Variants in LCE4A observed in about 807,000 individuals in gnomAD.
The protein encoded by LCE4A is late cornified envelope 4A.
For synonymous variants in LCE4A, 41 were observed against 42.3 expected, an observed-to-expected ratio of 0.97 and a Z score of 0.12; for missense variants, 110 against 111.3, an observed-to-expected ratio of 0.99 and a Z score of 0.05.
At chr1:152,708,819 G>T (rs952022513) in intron 1 of LCE4A, among the ~76,000 whole-genome samples, 1 of 152,096 alleles carries the variant, frequency 6.6e-6, no homozygotes, top group African/African-American at 2.4e-5. Context: ...TTCAAATTTT[G>T]CTGGCTTTAT....
At position 152,709,060 on chromosome 1, in the gene LCE4A, T is replaced by A; in HGVS notation, c.-16T>A. On this transcript the variant is annotated 5_prime_UTR_variant, in exon 2 of 2. It introduces an in-frame stop codon into an upstream open reading frame of the 5' UTR. Transcript: ENST00000368777. ...GTTTCTATTTTGTCATTCAGGTTTA[T>A]CGAAATCCCACCAAGATGTCCTGCC... is the stretch of plus-strand genomic sequence containing the variant. 6.2e-7 allele frequency: 1 copy of A among 1,605,414 alleles called. No homozygotes were observed. The highest frequency in any genetic ancestry group is 8.5e-7 in the Non-Finnish European group (1 of 1,174,208).
intron 1 of LCE4A, 140 bp from the exon 2 acceptor site, chr1:152,708,915 C>G: frequency 1.6e-6 from 1 of 607,534 alleles, no homozygotes. Context: ...AAGATATACT[C>G]TTTGTCTGAA....
chr1:152,709,288 C>T lies in LCE4A; in HGVS notation c.213C>T (p.His71=), dbSNP rs1372412728. Reference sequence around the variant, plus strand: ...ACAGACACCATAGGTCCCACTGCCACAGACCCAAGAGCTCCAATTGCTATG... The same window carrying T: ...ACAGACACCATAGGTCCCACTGCCATAGACCCAAGAGCTCCAATTGCTATG... ...SHHRHHRSHC[H]RPKSSNCYGS... The change falls in exon 2 of 2, where the codon CAC becomes CAT. Residue 71 remains histidine, a synonymous_variant. Transcript: ENST00000368777. The T allele has an allele frequency of 6.2e-7, 1 of 1,614,066 alleles. No homozygotes were observed. Among genetic ancestry groups the T allele is most frequent in the African/African-American group, 1.3e-5 (1 of 74,932 alleles).
Position 152,709,116 on chromosome 1 carries a change from C to T in LCE4A, c.41C>T (p.Pro14Leu), listed in dbSNP as rs750809485. ...AACCAACAGCAGTGCCAGCCCCCTC[C>T]CAAGTGTCCTATCCCCAAGTATCCC... ...QQNQQQCQPPPKCPIPKYPPK... is the reference protein window; with the variant it reads ...QQNQQQCQPPLKCPIPKYPPK... Residue 14 changes from proline to leucine, a missense_variant, in exon 2 of 2, where the codon CCC (proline) becomes CTC (leucine). Coordinates refer to ENST00000368777, the MANE Select transcript of LCE4A (RefSeq NM_001387222.1). The T allele has an allele frequency of 1.2e-6, 2 of 1,613,522 alleles. No homozygotes were observed. The highest frequency in any genetic ancestry group is 2.2e-5 in the East Asian group (1 of 44,868).
At chr1:152,709,021 A>C in intron 1 of LCE4A, 34 bp from the exon 2 acceptor site, 7 of 1,348,686 alleles carry the variant, frequency 5.2e-6, no homozygotes, top group Non-Finnish European at 7.2e-6. Context: ...TCTTGATATT[A>C]AGTTTCTGTA....
At chr1:152,708,793 T>G (rs1242492291) in intron 1 of LCE4A, among the ~76,000 whole-genome samples, 1 of 152,224 alleles carries the variant, frequency 6.6e-6, no homozygotes, top group East Asian at 1.9e-4. Flanking sequence ...GTATTTAACA[T>G]GTCTTTGAGA....
In LCE4A at chr1:152,709,177, A is replaced by G. The variant is rs1649743492; in HGVS notation, c.102A>G (p.Pro34=). 1 of 1,149,844 alleles carries G rather than the reference A, an allele frequency of 8.7e-7. No homozygotes were observed. Among genetic ancestry groups the G allele is most frequent in the South Asian group, 1.3e-5 (1 of 76,420 alleles). The allele number at this position is 1,149,844 out of a possible 1,614,324, so 71.2% of individuals were successfully genotyped here. A position where few individuals can be genotyped will look rare whatever the true frequency, so the allele number is the denominator to read the frequency against. Residue 34 remains proline (P), a synonymous_variant, in exon 2 of 2, where the codon CCA becomes CCG. Transcript: ENST00000368777. ...KCPSKCASSC[P]PPISSCCGSS... ...CCTCAAAGTGTGCATCCTCATGCCC[A>G]CCTCCAATCTCTTCCTGCTGTGGCT...
intron 1 of LCE4A, 136 bp from the exon 2 acceptor site, chr1:152,708,919 G>C (rs1194969155): frequency 8.2e-6 from 5 of 611,152 alleles, no homozygotes; most frequent in Non-Finnish European, 1.5e-5. Context: ...TATACTCTTT[G>C]TCTGAAAGAG....
rs753416626 is a variant in LCE4A at position 152,709,157 on chromosome 1, A to G, written c.82A>G (p.Lys28Glu). Residue 28 changes from lysine to glutamate, a missense_variant, in exon 2 of 2, where the codon AAG becomes GAG. Coordinates refer to ENST00000368777, the MANE Select transcript of LCE4A (RefSeq NM_001387222.1). ...CAAGTATCCCCCAAAATGTCCCTCA[A>G]AGTGTGCATCCTCATGCCCACCTCC... The part of the protein sequence containing the change: ...IPKYPPKCPS[K>E]CASSCPPPIS... The G allele has an allele frequency of 2.5e-6, 4 of 1,613,554 alleles. No individual in the cohort carries two copies. The highest frequency in any genetic ancestry group is 1.7e-6 in the Non-Finnish European group (2 of 1,179,926).
intron 1 of LCE4A, 78 bp from the exon 2 acceptor site, chr1:152,708,977 G>A (rs1349254453): frequency 2.3e-6 from 2 of 881,748 alleles, no homozygotes. Context: ...ATCACCTTGG[G>A]GGAGGATTTT....
chr1:152,709,139 C>T lies in LCE4A; in HGVS notation c.64C>T (p.Pro22Ser), dbSNP rs1274253135. 1 of 1,613,832 alleles carries T rather than the reference C, an allele frequency of 6.2e-7. No homozygotes were observed. Among genetic ancestry groups the T allele is most frequent in the Non-Finnish European group, 8.5e-7 (1 of 1,179,838 alleles). ...PPPKCPIPKY[P>S]PKCPSKCASS... ...TCCCAAGTGTCCTATCCCCAAGTAT[C>T]CCCCAAAATGTCCCTCAAAGTGTGC... The change falls in exon 2 of 2, where the codon CCC (proline) becomes TCC (serine). Residue 22 changes from proline to serine, a missense_variant. Coordinates refer to ENST00000368777, the MANE Select transcript of LCE4A (RefSeq NM_001387222.1).
At chr1:152,708,931 T>A (rs1649734658) in intron 1 of LCE4A, 124 bp from the exon 2 acceptor site, 1 of 627,896 alleles carries the variant, frequency 1.6e-6, no homozygotes, top group East Asian at 2.8e-5. Context: ...CTGAAAGAGG[T>A]TTCTATACAT....
intron 1 of LCE4A, among the ~76,000 whole-genome samples, chr1:152,708,629 A>G (rs922732425): frequency 2.0e-5 from 3 of 152,180 alleles, no homozygotes; most frequent in East Asian, 1.9e-4. Flanking sequence ...CTACATCCCT[A>G]CCAATGGTTG....
rs1408254158 is a variant in LCE4A at position 152,709,345 on chromosome 1, TG to T, written c.272del (p.Gly91AlafsTer20). ...SGSGQQSGGS[G>X]CCSGGGCC ...GCAGTGGCCAGCAGTCTGGGGGTTC[TG>T]GCTGCTGCTCTGGAGGGGGCTGTTG... On this transcript the variant is annotated frameshift_variant, in exon 2 of 2. Coordinates refer to ENST00000368777, the MANE Select transcript of LCE4A (RefSeq NM_001387222.1). LOFTEE classifies it low-confidence loss of function (END_TRUNC). The T allele has an allele frequency of 1.2e-6, 2 of 1,603,196 alleles. No individual in the cohort carries two copies. The highest frequency in any genetic ancestry group is 1.7e-6 in the Non-Finnish European group (2 of 1,173,282).
At chr1:152,708,578 C>T (rs1328612733) in intron 1 of LCE4A, among the ~76,000 whole-genome samples, 184 bp downstream of exon 1, 1 of 152,178 alleles carries the variant, frequency 6.6e-6, no homozygotes, top group Admixed American at 6.5e-5. Context: ...GAAGGATTAT[C>T]CCTGTGATCA....
At position 152,708,262 on chromosome 1, in the gene LCE4A, C is replaced by T. The variant is rs1402311575; in HGVS notation, c.-154C>T. 2.6e-5 allele frequency: 4 copies of T among 152,330 alleles called. No individual in the cohort carries two copies. Among genetic ancestry groups the T allele is most frequent in the African/African-American group, 9.6e-5 (4 of 41,478 alleles). 9.4% of individuals were successfully genotyped at this position (152,330 alleles called of 1,614,324 possible). ...TGACCCCACACTTGTGCAACAGCCA[C>T]GTCCTGCTCCTGCCATTAGCATGGC... On this transcript the variant is annotated 5_prime_UTR_variant, in exon 1 of 2. In the 5' UTR this introduces an upstream ATG that the reference lacks. Transcript: ENST00000368777.
chr1:152,708,568 G>C (rs1164894075), intron 1 of LCE4A, among the ~76,000 whole-genome samples, 174 bp downstream of exon 1: 1 of 152,210 alleles, frequency 6.6e-6, no homozygotes, highest in Admixed American at 6.5e-5. Flanking sequence ...ACCAACCTGG[G>C]AAGGATTATC....
intron 1 of LCE4A, 64 bp from the exon 2 acceptor site, chr1:152,708,991 A>C (rs1649735300): frequency 9.0e-7 from 1 of 1,114,130 alleles, no homozygotes; most frequent in African/African-American, 1.6e-5. Flanking sequence ...GGATTTTAAA[A>C]TAAAAAAAAA....
chr1:152,709,341 G>T lies in LCE4A; in HGVS notation c.266G>T (p.Gly89Val), dbSNP rs772628020. Residue 89 changes from glycine (G) to valine (V), a missense_variant, in exon 2 of 2, where the codon GGT becomes GTT. Gly to Val is a moderately radical substitution (Grantham distance 109). Coordinates refer to ENST00000368777, the MANE Select transcript of LCE4A (RefSeq NM_001387222.1). ...AGTGGCAGTGGCCAGCAGTCTGGGG[G>T]TTCTGGCTGCTGCTCTGGAGGGGGC... Reference protein sequence around the residue: ...YGSGSGQQSGGSGCCSGGGCC With the variant: ...YGSGSGQQSGVSGCCSGGGCC 2.2e-5 allele frequency: 35 copies of T among 1,604,540 alleles called. No homozygotes were observed. The highest frequency in any genetic ancestry group is 2.9e-5 in the Non-Finnish European group (34 of 1,174,180).
Sources: gnomAD v4.1 joint callset for allele counts (sites outside exome capture counted in the v4.1 genomes callset) on GRCh38, gnomAD v4.1.1 for gene constraint, MANE v1.5 for transcripts, NCBI Gene and HGNC (gene_info 2026-07-23, HGNC 2026-07-21) for gene names.